The following VWDE variants were observed in gnomAD, a reference collection of about 807,000 sequenced individuals.
VWDE encodes von Willebrand factor D and EGF domains, also known as von Willebrand factor D and EGF domain-containing protein.
Under a neutral mutation model 178.4 loss-of-function variants are expected in VWDE, and 207 were observed. The ratio of observed to expected loss-of-function variants is 1.16; its 90% CI spans 1.04 to 1.30. The LOEUF (loss-of-function observed/expected upper bound fraction) is 1.30, where lower values mean the gene tolerates loss of function less well. Ranked by LOEUF, VWDE falls within the 50% of genes most tolerant of loss-of-function variation. The probability of loss-of-function intolerance (pLI) is 0.00; values close to 1 mark genes in which losing one functional copy is unlikely to be tolerated. For synonymous variants in VWDE, 738 were observed against 651.4 expected, an observed-to-expected ratio of 1.13 and a Z score of -2.02; for missense variants, 2,287 against 1,901.3, an observed-to-expected ratio of 1.20 and a Z score of -3.77.
At chr7:12,396,741 C>A (rs1207799357) in intron 1 of VWDE, among the ~76,000 whole-genome samples, 1 of 148,514 alleles carries the variant, frequency 6.7e-6, no homozygotes. Context: ...CAAGGAGAAA[C>A]CCCATCTCTA....
At chr7:12,348,063 A>T (rs1781711108) in intron 19 of VWDE, among the ~76,000 whole-genome samples, 1 of 152,202 alleles carries the variant, frequency 6.6e-6, no homozygotes, top group African/African-American at 2.4e-5. Flanking sequence ...CACCTTATAC[A>T]AAAATCAATT....
At chr7:12,354,340 A>G (rs6944618) in intron 18 of VWDE, 363,158 of 413,386 alleles carry the variant, frequency 0.88, 160,032 homozygotes, top group Admixed American at 0.92. Flanking sequence ...CAGAAAATAG[A>G]AACTTTTACC....
At chr7:12,370,576 G>T in intron 11 of VWDE, 67 bp from the exon 12 acceptor site, 2 of 1,525,504 alleles carry the variant, frequency 1.3e-6, no homozygotes, top group Non-Finnish European at 1.8e-6. Context: ...AATATGTGTT[G>T]CAAAAAAGCA....
chr7:12,333,519 A>G lies in VWDE; in HGVS notation c.4704T>C (p.Asn1568=). ...AGTATTCAGTGCGGCAGGAACACACATTGGGAAATATGCATCTGCCTCCAT... is the reference window on the plus strand; with the variant it reads ...AGTATTCAGTGCGGCAGGAACACACGTTGGGAAATATGCATCTGCCTCCAT... The part of the protein sequence containing the change: ...CLYGGRCIFP[N]VCSCRTEYSG... The change falls in exon 28 of 29, where the codon AAT becomes AAC. Residue 1568 remains asparagine, a synonymous_variant. Transcript: ENST00000275358. 1 of 1,551,278 alleles carries G rather than the reference A, an allele frequency of 6.4e-7. No homozygotes were observed. Among genetic ancestry groups the G allele is most frequent in the Non-Finnish European group, 8.7e-7 (1 of 1,146,704 alleles).
Position 12,336,249 on chromosome 7 carries a change from A to C in VWDE, c.4559-13T>G, listed in dbSNP as rs1165569746. The C allele has an allele frequency of 1.9e-6, 3 of 1,549,100 alleles. No homozygotes were observed. Among genetic ancestry groups the C allele is most frequent in the Non-Finnish European group, 2.6e-6 (3 of 1,145,762 alleles). Reference sequence around the variant, plus strand: ...TGCAAGCAGATAGCTGCCAATCGAAATATAAACAAGTTAAAATTTTAAATT... The same window carrying C: ...TGCAAGCAGATAGCTGCCAATCGAACTATAAACAAGTTAAAATTTTAAATT... On this transcript the variant is annotated splice_polypyrimidine_tract_variant and intron_variant, in intron 26 of 28. Transcript: ENST00000275358.
chr7:12,393,033 T>A (rs1209822814), intron 2 of VWDE, among the ~76,000 whole-genome samples: 1 of 152,160 alleles, frequency 6.6e-6, no homozygotes, highest in Non-Finnish European at 1.5e-5. Flanking sequence ...TGTCTTTCAA[T>A]TGTGATCAGA....
chr7:12,357,898 A>C (rs925268151), intron 16 of VWDE, among the ~76,000 whole-genome samples: 15 of 151,774 alleles, frequency 9.9e-5, no homozygotes, highest in African/African-American at 3.6e-4. Flanking sequence ...TTTAAGCCTC[A>C]CTTTCTCCCT....
At chr7:12,355,286 G>T (rs112844598) in intron 18 of VWDE, among the ~76,000 whole-genome samples, 5,200 of 151,916 alleles carry the variant, frequency 0.034, 287 homozygotes, top group African/African-American at 0.11. Context: ...GCTGGTGGCG[G>T]GCGCCTGTAG....
At chr7:12,344,554 A>T (rs1371877719) in intron 19 of VWDE, 85 bp from the exon 20 acceptor site, 1 of 1,066,402 alleles carries the variant, frequency 9.4e-7, no homozygotes, top group African/African-American at 1.6e-5. Flanking sequence ...TAGAAGCAAA[A>T]GTCTCTGAAG....
At chr7:12,340,201 G>C in intron 24 of VWDE, 121 bp downstream of exon 24, 1 of 722,080 alleles carries the variant, frequency 1.4e-6, no homozygotes, top group Non-Finnish European at 2.3e-6. Flanking sequence ...TTGAAACATC[G>C]CAAGAATTCT....
At chr7:12,349,057 T>C (rs563336988) in intron 19 of VWDE, among the ~76,000 whole-genome samples, 37 of 152,100 alleles carry the variant, frequency 2.4e-4, no homozygotes, top group African/African-American at 8.0e-4. Context: ...AGGGGAACAT[T>C]ACACTCTGGG....
At chr7:12,389,497 T>A (rs1324970962) in intron 2 of VWDE, 139 bp from the exon 3 acceptor site, 40 of 622,238 alleles carry the variant, frequency 6.4e-5, no homozygotes, top group Non-Finnish European at 9.2e-5. Flanking sequence ...ACCTGTTCTA[T>A]ACAAGGAAAA....
chr7:12,344,724 A>G (rs1473857763), intron 19 of VWDE, among the ~76,000 whole-genome samples: 3 of 152,194 alleles, frequency 2.0e-5, no homozygotes, highest in African/African-American at 7.2e-5. Flanking sequence ...TGCCAAAGCC[A>G]AAAAGTTGAT....
intron 12 of VWDE, among the ~76,000 whole-genome samples, chr7:12,367,716 G>C (rs779860952): frequency 6.6e-6 from 1 of 151,898 alleles, no homozygotes; most frequent in Non-Finnish European, 1.5e-5. Context: ...AACACTACCA[G>C]TCCTAAAATC....
In VWDE at chr7:12,377,801, T is replaced by C. The variant is rs1783621533; in HGVS notation, c.999A>G (p.Ser333=). The C allele has an allele frequency of 6.6e-7, 1 of 1,505,264 alleles. No individual in the cohort carries two copies. Among genetic ancestry groups the C allele is most frequent in the Non-Finnish European group, 8.9e-7 (1 of 1,118,116 alleles). The allele number at this position is 1,505,264 out of a possible 1,614,324, so 93.2% of individuals were successfully genotyped here. A position where few individuals can be genotyped will look rare whatever the true frequency, so the allele number is the denominator to read the frequency against. ...CTTGACCAATAGTTTTCAGTTTTAATGAGATTTTGCATTCTTGATCAAGCT... is the reference window on the plus strand; with the variant it reads ...CTTGACCAATAGTTTTCAGTTTTAACGAGATTTTGCATTCTTGATCAAGCT... ...FSELDQECKI[S]LKLKTIGQGR... is the part of the protein sequence containing the mutation. The change falls in exon 7 of 29, where the codon TCA becomes TCG. Residue 333 remains serine (S), a synonymous_variant. Coordinates refer to ENST00000275358, the MANE Select transcript of VWDE (RefSeq NM_001135924.3).
At chr7:12,402,432 ACAATGTTAC>A (rs1362079144) in intron 1 of VWDE, among the ~76,000 whole-genome samples, 4 of 152,230 alleles carry the variant, frequency 2.6e-5, no homozygotes, top group Non-Finnish European at 5.9e-5. Flanking sequence ...AAAGAACTTG[ACAATGTTAC>A]CAATGTTATG....
chr7:12,402,666 G>A (rs1784960366), intron 1 of VWDE, among the ~76,000 whole-genome samples: 1 of 148,328 alleles, frequency 6.7e-6, no homozygotes, highest in Admixed American at 6.6e-5. Flanking sequence ...TAAAGATTTA[G>A]TAACGCTGTA....
At chr7:12,376,185 G>C (rs1464685064) in intron 7 of VWDE, among the ~76,000 whole-genome samples, 1 of 151,964 alleles carries the variant, frequency 6.6e-6, no homozygotes. Flanking sequence ...GGTGAATACA[G>C]AATATTTCTA....
chr7:12,388,275 A>T (rs1375160690), intron 3 of VWDE, among the ~76,000 whole-genome samples: 1 of 152,160 alleles, frequency 6.6e-6, no homozygotes, highest in Non-Finnish European at 1.5e-5. Context: ...TGCTCTTATT[A>T]TTACATGTTA....
Sources: allele counts gnomAD v4.1 joint callset (sites outside exome capture counted in the v4.1 genomes callset), GRCh38; gene constraint gnomAD v4.1.1; transcripts MANE v1.5; gene names NCBI Gene and HGNC (gene_info 2026-07-23, HGNC 2026-07-21).